Variants in EMILIN2 observed in about 807,000 individuals in gnomAD.
EMILIN2 encodes elastin microfibril interfacer 2, also known as EMILIN-2.
EMILIN2 carries 71 observed loss-of-function variants against 87.1 expected under a neutral mutation model. The observed-to-expected ratio is 0.82, with a 90% confidence interval of 0.67 to 0.99. The LOEUF is 0.99. Ranked by LOEUF, EMILIN2 falls within the 50% of genes least tolerant of loss-of-function variation. EMILIN2 has a pLI of 0.00. For missense variants in EMILIN2, 1,407 were observed against 1,371.8 expected, an observed-to-expected ratio of 1.03 and a Z score of -0.40; for synonymous variants, 581 against 563.4, an observed-to-expected ratio of 1.03 and a Z score of -0.44.
Position 2,913,382 on chromosome 18 carries a change from A to T in EMILIN2, c.3140A>T (p.Tyr1047Phe), listed in dbSNP as rs144599503. Residue 1047 changes from tyrosine (Y) to phenylalanine (F), a missense_variant, in exon 8 of 8, where the codon TAT (tyrosine) becomes TTT (phenylalanine). Transcript: ENST00000254528. Reference sequence around the variant, plus strand: ...TCCACATTTAGTGGGGTTTTCTTATATCCTTTCCTTTCCCACCTCTAAGGT... The same window carrying T: ...TCCACATTTAGTGGGGTTTTCTTATTTCCTTTCCTTTCCCACCTCTAAGGT... ...MYSTFSGVFL[Y>F]PFLSHL 5.0e-6 allele frequency: 8 copies of T among 1,604,498 alleles called. No individual in the cohort carries two copies. Among genetic ancestry groups the T allele is most frequent in the African/African-American group, 1.3e-5 (1 of 74,470 alleles).
intron 4 of EMILIN2, among the ~76,000 whole-genome samples, chr18:2,897,058 T>C (rs1233303152): frequency 6.6e-6 from 1 of 152,164 alleles, no homozygotes; most frequent in East Asian, 1.9e-4. Context: ...GAAGTTCTTT[T>C]GAAAAACCCA....
upstream of EMILIN2, chr18:2,846,674 A>G: frequency 1.2e-6 from 1 of 837,152 alleles, no homozygotes; most frequent in East Asian, 1.2e-4. The surrounding 1 kb of genome is among the most constrained non-coding windows in gnomAD (Gnocchi z 5.3). Context: ...GCACCCAGGC[A>G]CGACGCGAGG....
Position 2,913,649 on chromosome 18 carries a change from G to GTTTTAAT in EMILIN2, c.*245_*246insTTTTAAT. ...CTCTAACTGGACAACTGGAAGACTT[G>GTTTTAAT]GAAAGGCCTCCACCTGTATCTACAC... is the stretch of plus-strand genomic sequence containing the variant. On this transcript the variant is annotated 3_prime_UTR_variant, in exon 8 of 8. Transcript: ENST00000254528. 1 of 482,474 alleles carries GTTTTAAT rather than the reference G, an allele frequency of 2.1e-6. No individual in the cohort carries two copies. The highest frequency in any genetic ancestry group is 2.7e-5 in the South Asian group (1 of 36,832). 29.9% of individuals were successfully genotyped at this position (482,474 alleles called of 1,614,324 possible).
intron 2 of EMILIN2, among the ~76,000 whole-genome samples, chr18:2,858,543 A>ATATATATATATATATATATATATGTGTG (rs2076640133): frequency 2.6e-5 from 1 of 38,870 alleles, no homozygotes; most frequent in African/African-American, 1.6e-4. Context: ...ATATATATAT[A>ATATATATATATATATATATATATGTGTG]TATATATATA....
In EMILIN2 at chr18:2,892,062, G is replaced by A; in HGVS notation, c.1935G>A (p.Lys645=). The A allele has an allele frequency of 6.2e-7, 1 of 1,614,242 alleles. No individual in the cohort carries two copies. Among genetic ancestry groups the A allele is most frequent in the Non-Finnish European group, 8.5e-7 (1 of 1,180,044 alleles). The part of the protein sequence containing the change: ...GENAGMGRFT[K]VGEQERTVDT... ...ACGCTGGCATGGGTAGGTTCACTAA[G>A]GTGGGTGAGCAAGAAAGGACAGTGG... The change falls in exon 4 of 8, where the codon AAG becomes AAA. Residue 645 remains lysine, a synonymous_variant. Coordinates refer to ENST00000254528, the MANE Select transcript of EMILIN2 (RefSeq NM_032048.3).
intron 2 of EMILIN2, among the ~76,000 whole-genome samples, chr18:2,873,288 T>C (rs1474338038): frequency 6.6e-6 from 1 of 152,056 alleles, no homozygotes; most frequent in Non-Finnish European, 1.5e-5. Flanking sequence ...CACATGCCTG[T>C]AATCCCGGCT....
intron 4 of EMILIN2, among the ~76,000 whole-genome samples, chr18:2,900,716 G>A (rs901920901): frequency 5.3e-5 from 8 of 152,152 alleles, no homozygotes; most frequent in Admixed American, 3.9e-4. Flanking sequence ...TGAATTTTCT[G>A]ATGAGTCCAG....
At position 2,913,152 on chromosome 18, in the gene EMILIN2, G is replaced by A. The variant is rs879032513; in HGVS notation, c.2910G>A (p.Leu970=). ...GAGACGCCTACGTGGAAGCAGTGCT[G>A]TCGGTCTCCAACGCCAGCGTGGCCC... ...PERDAYVEAV[L]SVSNASVAQL... The change falls in exon 8 of 8, where the codon CTG becomes CTA. Residue 970 remains leucine, a synonymous_variant. Transcript: ENST00000254528. 6.2e-7 allele frequency: 1 copy of A among 1,613,936 alleles called. No homozygotes were observed. Among genetic ancestry groups the A allele is most frequent in the South Asian group, 1.1e-5 (1 of 91,066 alleles).
In EMILIN2 at chr18:2,886,633, T is replaced by A. The variant is rs1229417155; in HGVS notation, c.433+1494T>A. On this transcript the variant is annotated intron_variant, in intron 3 of 7. Transcript: ENST00000254528. ...CAGTTAGACCATATTCTTTATTTAC[T>A]CAGTATTCAGTGTTTACATTGTAGT... 4.6e-5 allele frequency among the ~76,000 whole-genome samples: 7 copies of A among 152,326 alleles called. No homozygotes were observed. In the South Asian group the frequency reaches 1.2e-3, roughly 27 times the overall value.
chr18:2,874,578 T>TG (rs2076738241), intron 2 of EMILIN2, among the ~76,000 whole-genome samples: 1 of 152,190 alleles, frequency 6.6e-6, no homozygotes, highest in African/African-American at 2.4e-5. Context: ...ATGCCCCTTC[T>TG]GAGCAGAGTA....
rs1326024063 is a variant in EMILIN2 at position 2,913,988 on chromosome 18, C to A, written c.*584C>A. On this transcript the variant is annotated 3_prime_UTR_variant, in exon 8 of 8. Coordinates refer to ENST00000254528, the MANE Select transcript of EMILIN2 (RefSeq NM_032048.3). ...AATAGGGATGCGTTAGAGACTGTTC[C>A]CAAAGCTTGTTGGGCTCCTTAAATG... 4 of 153,236 alleles carry A rather than the reference C, an allele frequency of 2.6e-5. No individual in the cohort carries two copies. Among genetic ancestry groups the A allele is most frequent in the Non-Finnish European group, 5.8e-5 (4 of 68,478 alleles). The allele number at this position is 153,236 out of a possible 1,614,324, so 9.5% of individuals were successfully genotyped here.
Position 2,891,033 on chromosome 18 carries a change from G to C in EMILIN2, c.906G>C (p.Gln302His). 2 of 1,614,220 alleles carry C rather than the reference G, an allele frequency of 1.2e-6. No individual in the cohort carries two copies. Among genetic ancestry groups the C allele is most frequent in the Non-Finnish European group, 1.7e-6 (2 of 1,180,046 alleles). The change falls in exon 4 of 8, where the codon CAG becomes CAC. Residue 302 changes from glutamine to histidine, a missense_variant. Physicochemically the swap from Gln to His is conservative, Grantham distance 24. Coordinates refer to ENST00000254528, the MANE Select transcript of EMILIN2 (RefSeq NM_032048.3). The surrounding 1 kb of genome is among the most constrained non-coding windows in gnomAD (Gnocchi z 4.6). ...GQLRQLQEAAQGPTVTMTTNE... is the reference protein window; with the variant it reads ...GQLRQLQEAAHGPTVTMTTNE... ...TCAGACAGCTCCAGGAAGCAGCTCA[G>C]GGCCCGACGGTGACCATGACAACCA...
intron 4 of EMILIN2, among the ~76,000 whole-genome samples, chr18:2,895,126 C>A (rs2076857346): frequency 6.6e-6 from 1 of 151,828 alleles, no homozygotes; most frequent in Admixed American, 6.6e-5. Context: ...GGATAAAAGT[C>A]TGATGGGGAA....
At chr18:2,868,445 G>C (rs781157505) in intron 2 of EMILIN2, among the ~76,000 whole-genome samples, 45 of 152,352 alleles carry the variant, frequency 3.0e-4, no homozygotes, top group Non-Finnish European at 4.4e-4. Flanking sequence ...GGCCAAGGCA[G>C]GCGGCTGGGA....
intron 2 of EMILIN2, among the ~76,000 whole-genome samples, chr18:2,858,716 A>G (rs972939581): frequency 6.7e-6 from 1 of 149,904 alleles, no homozygotes; most frequent in Non-Finnish European, 1.5e-5. Flanking sequence ...GCTCACTGCA[A>G]CCTCTGCCTC....
chr18:2,878,914 G>A lies in EMILIN2; in HGVS notation c.258-6050G>A, dbSNP rs116896231. Among the ~76,000 whole-genome samples the A allele has an allele frequency of 9.2e-3, 1,395 of 152,270 alleles. 17 individuals carry two copies. The highest frequency in any genetic ancestry group is 0.037 in the Admixed American group (564 of 15,290). ...GCTCTCCAGAGAAATCCCATTAAGC[G>A]AGTGTCCCCAAGGGGGCAACGGGTT... On this transcript the variant is annotated intron_variant, in intron 2 of 7. Coordinates refer to ENST00000254528, the MANE Select transcript of EMILIN2 (RefSeq NM_032048.3).
rs1180735843 is a variant in EMILIN2, at chr18:2,858,583, G to GTGTA, written c.257+10653_257+10654insGTAT. Among the ~76,000 whole-genome samples the GTGTA allele has an allele frequency of 4.4e-3, 277 of 63,006 alleles. 15 individuals are homozygous for GTGTA. The highest frequency in any genetic ancestry group is 0.025 in the East Asian group (44 of 1,752). The allele number at this position is 63,006 out of a possible 152,430, so 41.3% of individuals were successfully genotyped here. The stretch of plus-strand genomic sequence containing the variant: ...TATATATATATATGTGTGTGTGTGT[G>GTGTA]TATATATATATATATATATGTGTAT... On this transcript the variant is annotated intron_variant, in intron 2 of 7. Transcript: ENST00000254528.
chr18:2,888,535 G>GA (rs1338876818), intron 3 of EMILIN2, among the ~76,000 whole-genome samples: 2 of 152,044 alleles, frequency 1.3e-5, no homozygotes, highest in Non-Finnish European at 2.9e-5. Context: ...CTAACACAGT[G>GA]AAACCCCATC....
intron 4 of EMILIN2, among the ~76,000 whole-genome samples, chr18:2,899,102 A>G (rs561915319): frequency 2.6e-4 from 40 of 151,918 alleles, no homozygotes; most frequent in African/African-American, 9.2e-4. Flanking sequence ...AAAACAAAAA[A>G]CTCCTCGGCT....
Sources: allele counts gnomAD v4.1 joint callset (sites outside exome capture counted in the v4.1 genomes callset), GRCh38; gene constraint gnomAD v4.1.1; non-coding constraint Gnocchi (gnomAD v3.1); transcripts MANE v1.5; gene names NCBI Gene and HGNC (gene_info 2026-07-23, HGNC 2026-07-21).